Variants in RHEB observed in about 807,000 individuals in gnomAD.
RHEB encodes GTP-binding protein Rheb.
In RHEB, 2 loss-of-function variants were observed where a neutral mutation model predicts 28.8. That is an observed-to-expected ratio of 0.07 (90% CI 0.03 to 0.22). RHEB has a LOEUF of 0.22. Among genes scored for constraint, RHEB ranks in the 10% least tolerant of loss-of-function variants. RHEB has a pLI of 1.00. For synonymous variants in RHEB, 69 were observed against 77.3 expected (o/e 0.89, Z 0.56); for missense variants, 76 against 219.9 (o/e 0.35, Z 4.14).
chr7:151,499,645 TCAACACC>T (rs1802736764), intron 1 of RHEB, among the ~76,000 whole-genome samples: 1 of 152,188 alleles, frequency 6.6e-6, no homozygotes, highest in Non-Finnish European at 1.5e-5. Flanking sequence ...CAAATTATGA[TCAACACC>T]TTGAATCCAC....
At chr7:151,483,806 A>T (rs766666295) in intron 3 of RHEB, among the ~76,000 whole-genome samples, 102 of 152,332 alleles carry the variant, frequency 6.7e-4, no homozygotes, top group Non-Finnish European at 1.3e-3. Flanking sequence ...AGTCTTACAG[A>T]ATAGTTTCTA....
chr7:151,487,615 T>G (rs1435045569), intron 2 of RHEB, among the ~76,000 whole-genome samples: 3 of 152,100 alleles, frequency 2.0e-5, no homozygotes, highest in Admixed American at 2.0e-4. Flanking sequence ...AAAAAGACCT[T>G]CCATCTTGCT....
In RHEB at chr7:151,490,459, C is replaced by T. The variant is rs545921477; in HGVS notation, c.124+484G>A. ...AGCCAACTTCTTTTTAATGCTGCAA[C>T]TGCTCTATCCAATCCCAGAATAGTT... is the stretch of plus-strand genomic sequence containing the variant. On this transcript the variant is annotated intron_variant, in intron 2 of 7. Coordinates refer to ENST00000262187, the MANE Select transcript of RHEB (RefSeq NM_005614.4). Among the ~76,000 whole-genome samples the T allele has an allele frequency of 2.8e-4, 43 of 152,334 alleles. No homozygotes were observed. In the South Asian group the frequency reaches 8.1e-3, roughly 29 times the overall value.
At chr7:151,511,449 C>G (rs736645) in intron 1 of RHEB, among the ~76,000 whole-genome samples, 1 of 151,928 alleles carries the variant, frequency 6.6e-6, no homozygotes, top group Non-Finnish European at 1.5e-5. Context: ...AATTCTATCA[C>G]TATCTTTAAA....
At chr7:151,513,999 A>G (rs1367198626) in intron 1 of RHEB, among the ~76,000 whole-genome samples, 1 of 152,196 alleles carries the variant, frequency 6.6e-6, no homozygotes, top group African/African-American at 2.4e-5. Flanking sequence ...CCCTATTTAA[A>G]AACCAGCTAC....
Position 151,503,577 on chromosome 7 carries a change from C to T in RHEB, c.53-12563G>A. On this transcript the variant is annotated intron_variant, in intron 1 of 7. Transcript: ENST00000262187. ...AACTGAAACACTTCCAGAACTTTAT[C>T]CATGAGTACTGGTTATTGAAAAGAT... 3 of 523,724 alleles carry T rather than the reference C, an allele frequency of 5.7e-6. No homozygotes were observed. In the South Asian group the frequency reaches 6.0e-5, roughly 10 times the overall value. 32.4% of individuals were successfully genotyped at this position (523,724 alleles called of 1,614,324 possible). A position where few individuals can be genotyped will look rare whatever the true frequency, so the allele number is the denominator to read the frequency against.
chr7:151,500,609 C>G (rs932627389), intron 1 of RHEB, among the ~76,000 whole-genome samples: 1 of 152,126 alleles, frequency 6.6e-6, no homozygotes, highest in Non-Finnish European at 1.5e-5. Flanking sequence ...ACTTTGGAGC[C>G]AAGGTGCGAA....
intron 1 of RHEB, among the ~76,000 whole-genome samples, chr7:151,506,402 C>T (rs1297596502): frequency 6.6e-6 from 1 of 152,006 alleles, no homozygotes; most frequent in African/African-American, 2.4e-5. Flanking sequence ...AGCTATGTGA[C>T]TTTGGGCAGT....
At chr7:151,515,035 C>A (rs1360910357) in intron 1 of RHEB, among the ~76,000 whole-genome samples, 2 of 142,922 alleles carry the variant, frequency 1.4e-5, no homozygotes, top group Non-Finnish European at 3.0e-5. Context: ...CAAGACCCTG[C>A]CTCAGAAAAG....
At chr7:151,519,425 G>C in intron 1 of RHEB, 35 bp downstream of exon 1, 1 of 1,377,256 alleles carries the variant, frequency 7.3e-7, no homozygotes, top group Non-Finnish European at 9.5e-7. Flanking sequence ...AGGCCCCGGC[G>C]GCGCGAGGAG....
At chr7:151,485,532 A>C (rs1196596411) in intron 2 of RHEB, among the ~76,000 whole-genome samples, 1 of 152,222 alleles carries the variant, frequency 6.6e-6, no homozygotes, top group Non-Finnish European at 1.5e-5. Flanking sequence ...GAAGTGGAAC[A>C]GATTTATCTT....
intron 1 of RHEB, among the ~76,000 whole-genome samples, chr7:151,493,398 AC>A (rs928014664): frequency 9.2e-5 from 14 of 152,068 alleles, no homozygotes; most frequent in Non-Finnish European, 1.3e-4. Flanking sequence ...CTTCAAGACC[AC>A]CCTAAGGTAG....
intron 1 of RHEB, among the ~76,000 whole-genome samples, chr7:151,505,169 CAA>C (rs36108780): frequency 2.1e-5 from 3 of 142,550 alleles, no homozygotes; most frequent in African/African-American, 2.6e-5. Flanking sequence ...ATAAACAAAA[CAA>C]AAAAAAAAAC....
intron 1 of RHEB, among the ~76,000 whole-genome samples, chr7:151,506,276 C>T (rs1053000871): frequency 1.3e-5 from 2 of 150,878 alleles, no homozygotes; most frequent in African/African-American, 4.9e-5. Flanking sequence ...ATTCAAACTG[C>T]TGGTCTCAAA....
intron 1 of RHEB, among the ~76,000 whole-genome samples, chr7:151,516,881 G>A (rs55668109): frequency 6.6e-6 from 1 of 151,722 alleles, no homozygotes; most frequent in Non-Finnish European, 1.5e-5. Context: ...TAGAAACACA[G>A]GTACTCAAAT....
At chr7:151,505,480 T>C (rs1584865775) in intron 1 of RHEB, among the ~76,000 whole-genome samples, 1 of 152,312 alleles carries the variant, frequency 6.6e-6, no homozygotes, top group East Asian at 1.9e-4. Context: ...GCTAGAAAGT[T>C]AGAAAGGCCG....
intron 2 of RHEB, among the ~76,000 whole-genome samples, chr7:151,485,599 C>T (rs769978131): frequency 3.3e-5 from 5 of 152,142 alleles, no homozygotes; most frequent in Admixed American, 6.6e-5. Context: ...CCTGATTGGC[C>T]GTCCTATATG....
At chr7:151,488,967 A>G (rs1563095597) in intron 2 of RHEB, among the ~76,000 whole-genome samples, 1 of 152,094 alleles carries the variant, frequency 6.6e-6, no homozygotes, top group African/African-American at 2.4e-5. Context: ...TTGAGACCAC[A>G]TCTTGCTCTG....
chr7:151,484,916 A>C (rs1205985846), intron 2 of RHEB, 112 bp from the exon 3 acceptor site: 6 of 646,484 alleles, frequency 9.3e-6, no homozygotes, highest in Non-Finnish European at 1.6e-5. Flanking sequence ...TCTCAGAGAA[A>C]GGCCCCATGA....
Sources: gnomAD v4.1 joint callset for allele counts (sites outside exome capture counted in the v4.1 genomes callset) on GRCh38, gnomAD v4.1.1 for gene constraint, MANE v1.5 for transcripts, NCBI Gene and HGNC (gene_info 2026-07-23, HGNC 2026-07-21) for gene names.